The following DMD variants were observed in gnomAD, a reference collection of about 807,000 sequenced individuals.
DMD encodes the protein dystrophin, also known as mutant dystrophin.
In DMD, 63 loss-of-function variants were observed where a neutral mutation model predicts 330.1. The ratio of observed to expected loss-of-function variants is 0.19; its 90% CI spans 0.16 to 0.24. DMD has a LOEUF of 0.24. Among genes scored for constraint, DMD ranks in the 10% least tolerant of loss-of-function variants. The pLI is 1.00. For synonymous variants in DMD, 1,223 were observed against 959.8 expected (o/e 1.27, Z -5.07); for missense variants, 3,344 against 2,684.1 (o/e 1.25, Z -5.43).
chrX:32,849,692 G>T, intron 3 of DMD, 36 bp downstream of exon 3: 1 of 1,034,322 alleles, frequency 9.7e-7, no homozygotes, highest in East Asian at 3.0e-5. Context: ...ATTCTACTAA[G>T]TTTAAAGTTA....
intron 52 of DMD, among the ~76,000 whole-genome samples, chrX:31,707,223 C>A (rs2084268107): frequency 9.0e-6 from 1 of 110,509 alleles, no homozygotes; most frequent in Non-Finnish European, 1.9e-5. Context: ...ATTAAAAAAA[C>A]CAAAGCTGAA....
chrX:31,437,960 A>C (rs2064661888), intron 60 of DMD, among the ~76,000 whole-genome samples: 1 of 110,031 alleles, frequency 9.1e-6, no homozygotes, highest in Non-Finnish European at 1.9e-5. Flanking sequence ...GCTACATTGA[A>C]GGGCTCAATG....
chrX:32,975,176 T>C (rs948018105), intron 2 of DMD, among the ~76,000 whole-genome samples: 2 of 110,076 alleles, frequency 1.8e-5, no homozygotes, highest in Non-Finnish European at 1.9e-5. Flanking sequence ...TGGCAGATAC[T>C]GCTATTTGCT....
chrX:32,035,492 C>T, intron 44 of DMD: 1 of 268,566 alleles, frequency 3.7e-6, no homozygotes, highest in South Asian at 3.8e-5. Context: ...TGTGATATGA[C>T]TGATCCAGTT....
intron 2 of DMD, among the ~76,000 whole-genome samples, chrX:32,925,878 A>G (rs774377702): frequency 8.9e-6 from 1 of 112,076 alleles, no homozygotes; most frequent in South Asian, 3.7e-4. Flanking sequence ...ATATTGGGGG[A>G]CATAAATATT....
chrX:33,211,963 A>G (rs1207688619), upstream of DMD, among the ~76,000 whole-genome samples: 1 of 112,210 alleles, frequency 8.9e-6, no homozygotes, highest in Non-Finnish European at 1.9e-5. Context: ...AGAATAATCC[A>G]TGCATTTGTT....
At chrX:32,543,768 TAG>T (rs916629386) in intron 17 of DMD, among the ~76,000 whole-genome samples, 1 of 111,812 alleles carries the variant, frequency 8.9e-6, no homozygotes. Flanking sequence ...CTAATATTCA[TAG>T]AGTTTGAGAG....
rs779559077 is a variant in DMD, at chrX:31,430,776, T to A, written c.9084+13705A>T. On this transcript the variant is annotated intron_variant, in intron 60 of 78. Transcript: ENST00000357033. ...ATTGGAATTGGGGGTCCTGACTTGT[T>A]TGAAGCAAGTTAAGGTCTTTTTTTT... Among the ~76,000 whole-genome samples, 3 of 107,606 alleles carry A rather than the reference T, an allele frequency of 2.8e-5. No homozygotes were observed. The South Asian group carries it at 1.3e-3, about 45-fold the overall frequency. The allele number at this position is 107,606 out of a possible 115,157, so 93.4% of individuals were successfully genotyped here. A position where few individuals can be genotyped will look rare whatever the true frequency, so the allele number is the denominator to read the frequency against.
intron 2 of DMD, among the ~76,000 whole-genome samples, chrX:32,857,724 A>T (rs1383742608): frequency 1.8e-5 from 2 of 111,696 alleles, no homozygotes; most frequent in Non-Finnish European, 1.9e-5. Flanking sequence ...GAAAGGTGAG[A>T]GAAGTCTTGG....
intron 52 of DMD, among the ~76,000 whole-genome samples, chrX:31,709,893 G>T (rs1386188056): frequency 9.0e-6 from 1 of 110,575 alleles, no homozygotes; most frequent in South Asian, 3.8e-4. Context: ...GTTCCTAGAG[G>T]CTCTAAGTCC....
Position 32,158,127 on chromosome X carries a change from T to A in DMD, c.6438+58789A>T, listed in dbSNP as rs182668658. 6.3e-3 allele frequency among the ~76,000 whole-genome samples: 710 copies of A among 112,060 alleles called. 6 individuals are homozygous for A. The highest frequency in any genetic ancestry group is 0.022 in the African/African-American group (689 of 30,819). ...ACTACCTGTAAGCTGTTTGACCTTGTACAAGTCATTTAAACTTTCTGGCTT... is the reference window on the plus strand; with the variant it reads ...ACTACCTGTAAGCTGTTTGACCTTGAACAAGTCATTTAAACTTTCTGGCTT... On this transcript the variant is annotated intron_variant, in intron 44 of 78. Transcript: ENST00000357033.
intron 1 of DMD, among the ~76,000 whole-genome samples, chrX:33,338,018 C>T (rs1164425275): frequency 2.7e-5 from 3 of 111,692 alleles, no homozygotes; most frequent in Non-Finnish European, 5.7e-5. Context: ...GGTAGAGAGC[C>T]GAAAGATTCT....
At chrX:33,272,345 A>G (rs1468028393) in intron 1 of DMD, among the ~76,000 whole-genome samples, 7 of 112,336 alleles carry the variant, frequency 6.2e-5, no homozygotes, top group South Asian at 3.6e-4. Flanking sequence ...CAGAGAGGAA[A>G]TGTATTTATA....
chrX:31,977,292 T>C (rs1454693615), intron 44 of DMD, among the ~76,000 whole-genome samples: 2 of 111,952 alleles, frequency 1.8e-5, no homozygotes, highest in Non-Finnish European at 3.8e-5. Flanking sequence ...AAGTAACTTT[T>C]TGAAATACAT....
intron 43 of DMD, among the ~76,000 whole-genome samples, chrX:32,252,677 A>AATATATATAAATATATAAAT (rs766322442): frequency 6.0e-5 from 2 of 33,563 alleles, no homozygotes; most frequent in Non-Finnish European, 9.5e-5. Context: ...TATATATATA[A>AATATATATAAATATATAAAT]ATATATAAAT....
At chrX:32,767,538 T>C (rs1269615463) in intron 7 of DMD, among the ~76,000 whole-genome samples, 6 of 111,618 alleles carry the variant, frequency 5.4e-5, no homozygotes, top group Non-Finnish European at 1.1e-4. Flanking sequence ...AGACTATTTC[T>C]TCTCTCCTCT....
intron 1 of DMD, among the ~76,000 whole-genome samples, chrX:33,199,164 T>C (rs2051126032): frequency 9.0e-6 from 1 of 111,277 alleles, no homozygotes; most frequent in Non-Finnish European, 1.9e-5. Context: ...TCGAATTTAA[T>C]TGGCTGCATG....
intron 1 of DMD, among the ~76,000 whole-genome samples, chrX:33,231,658 T>G (rs970907461): frequency 8.1e-5 from 9 of 111,183 alleles, no homozygotes; most frequent in Admixed American, 4.8e-4. Flanking sequence ...AGAGACAACC[T>G]CCAGTAGGCA....
intron 16 of DMD, among the ~76,000 whole-genome samples, chrX:32,564,122 A>C (rs1383040360): frequency 9.0e-6 from 1 of 111,410 alleles, no homozygotes; most frequent in Non-Finnish European, 1.9e-5. Flanking sequence ...ATCACAGCTT[A>C]TGGATGAGAT....
Sources: gnomAD v4.1 joint callset for allele counts (sites outside exome capture counted in the v4.1 genomes callset) on GRCh38, gnomAD v4.1.1 for gene constraint, MANE v1.5 for transcripts, NCBI Gene and HGNC (gene_info 2026-07-23, HGNC 2026-07-21) for gene names.